Variants in ARMCX4 observed in about 807,000 individuals in gnomAD.
ARMCX4 encodes armadillo repeat-containing X-linked protein 4.
In ARMCX4, 3 loss-of-function variants were observed where a neutral mutation model predicts 34.7. The ratio of observed to expected loss-of-function variants is 0.09; its 90% CI spans 0.04 to 0.22. The LOEUF (loss-of-function observed/expected upper bound fraction) is 0.22. Ranked by LOEUF, ARMCX4 falls within the 10% of genes least tolerant of loss-of-function variation. The pLI is 1.00. For missense variants in ARMCX4, 1,448 were observed against 1,720.8 expected (o/e 0.84, Z 2.81); for synonymous variants, 513 against 632.8 (o/e 0.81, Z 2.84).
chrX:101,454,529 G>A (rs968936580), intron 4 of ARMCX4, among the ~76,000 whole-genome samples: 9 of 107,707 alleles, frequency 8.4e-5, no homozygotes, highest in Admixed American at 2.0e-4. Flanking sequence ...CTCGTGATCC[G>A]CCCACCTCGG....
intron 2 of ARMCX4, among the ~76,000 whole-genome samples, chrX:101,435,929 G>T (rs1173249163): frequency 5.4e-5 from 6 of 111,378 alleles, no homozygotes; most frequent in East Asian, 2.8e-4. Flanking sequence ...GTTTTTGTCA[G>T]GTTTGTCAAA....
intron 11 of ARMCX4, among the ~76,000 whole-genome samples, chrX:101,522,082 A>G (rs1159957000): frequency 1.8e-5 from 2 of 111,490 alleles, no homozygotes; most frequent in Non-Finnish European, 3.8e-5. Context: ...TGTTCTATCC[A>G]TTGTTAGAAG....
chrX:101,475,098 C>G (rs1043726281), intron 4 of ARMCX4, among the ~76,000 whole-genome samples: 11 of 110,290 alleles, frequency 1.0e-4, no homozygotes, highest in African/African-American at 1.7e-4. Context: ...ATCTTGAGCT[C>G]AGGAGTTCAA....
chrX:101,448,586 GT>G (rs782540348), downstream of ARMCX4, among the ~76,000 whole-genome samples: 1 of 111,212 alleles, frequency 9.0e-6, no homozygotes, highest in African/African-American at 3.3e-5. Context: ...TAGGTTTTTT[GT>G]TTTGTTTTGT....
chrX:101,468,523 C>T (rs1378161716), intron 4 of ARMCX4, among the ~76,000 whole-genome samples: 2 of 110,728 alleles, frequency 1.8e-5, no homozygotes, highest in Non-Finnish European at 3.8e-5. Flanking sequence ...TAACTAGTCT[C>T]AAACGACCCA....
At position 101,492,299 on chromosome X, in the gene ARMCX4, C is replaced by T; in HGVS notation, c.3710C>T (p.Ala1237Val). Residue 1237 changes from alanine (A) to valine (V), a missense_variant, in exon 6 of 6, where the codon GCT (alanine) becomes GTT (valine). This residue lies in a region of ARMCX4 where 1,343 missense variants were observed against 1,540.7 expected (regional missense o/e 0.87). Coordinates refer to ENST00000423738, the MANE Select transcript of ARMCX4 (RefSeq NM_001256155.3). ...AGNQAIGELWAAGQASDGSWP... is the reference protein window; with the variant it reads ...AGNQAIGELWVAGQASDGSWP... The stretch of plus-strand genomic sequence containing the variant: ...AATCAGGCCATTGGAGAGCTTTGGG[C>T]TGCGGGTCAGGCCAGTGATGGGTCC... 1.7e-6 allele frequency: 2 copies of T among 1,143,938 alleles called. No individual in the cohort carries two copies. Among genetic ancestry groups the T allele is most frequent in the Non-Finnish European group, 2.3e-6 (2 of 867,288 alleles). 94.3% of individuals were successfully genotyped at this position (1,143,938 alleles called of 1,213,427 possible). A position where few individuals can be genotyped will look rare whatever the true frequency, so the allele number is the denominator to read the frequency against.
At chrX:101,483,553 A>C (rs1275785092), upstream of ARMCX4, among the ~76,000 whole-genome samples, 2 of 111,342 alleles carry the variant, frequency 1.8e-5, no homozygotes, top group Non-Finnish European at 3.8e-5. Context: ...TTTATTAGTA[A>C]TCTATTTCTT....
At chrX:101,527,597 G>A (rs1227859287) in intron 11 of ARMCX4, among the ~76,000 whole-genome samples, 3 of 111,199 alleles carry the variant, frequency 2.7e-5, no homozygotes, top group African/African-American at 9.8e-5. Flanking sequence ...GACTAATAAA[G>A]AAGAAAAGAG....
At chrX:101,435,062 A>C (rs1930620830) in intron 2 of ARMCX4, among the ~76,000 whole-genome samples, 1 of 111,376 alleles carries the variant, frequency 9.0e-6, no homozygotes, top group Non-Finnish European at 1.9e-5. Flanking sequence ...GTTGGTTCCA[A>C]GTCTTTGCTA....
intron 2 of ARMCX4, among the ~76,000 whole-genome samples, chrX:101,440,291 G>A (rs188911333): frequency 7.2e-5 from 8 of 111,826 alleles, no homozygotes; most frequent in East Asian, 2.8e-4. Flanking sequence ...GCAGAACAGC[G>A]GATATTGGTG....
At chrX:101,517,853 AAAAC>A (rs1201268941) in intron 11 of ARMCX4, among the ~76,000 whole-genome samples, 3 of 111,511 alleles carry the variant, frequency 2.7e-5, no homozygotes, top group Admixed American at 9.6e-5. Context: ...TTTGTAAAAA[AAAAC>A]AAACAAAGAA....
chrX:101,476,581 T>C (rs1556004327), intron 4 of ARMCX4, among the ~76,000 whole-genome samples: 2 of 110,252 alleles, frequency 1.8e-5, no homozygotes, highest in African/African-American at 6.6e-5. Flanking sequence ...ATCCAAAATT[T>C]AAGAAAAAAA....
intron 4 of ARMCX4, among the ~76,000 whole-genome samples, chrX:101,475,866 A>G (rs1377995690): frequency 9.0e-6 from 1 of 111,447 alleles, no homozygotes; most frequent in Non-Finnish European, 1.9e-5. Flanking sequence ...TAGTATATAT[A>G]TATATATGGA....
At chrX:101,523,983 A>G (rs782447179) in intron 11 of ARMCX4, among the ~76,000 whole-genome samples, 7 of 109,573 alleles carry the variant, frequency 6.4e-5, no homozygotes, top group African/African-American at 2.0e-4. Context: ...AGTACCCTCA[A>G]GCAGAGCTGC....
intron 2 of ARMCX4, among the ~76,000 whole-genome samples, chrX:101,431,050 T>C (rs1929964892): frequency 9.0e-6 from 1 of 111,539 alleles, no homozygotes; most frequent in South Asian, 3.8e-4. Flanking sequence ...GAAGGTGGAC[T>C]CCGAAGGATC....
intron 4 of ARMCX4, among the ~76,000 whole-genome samples, chrX:101,456,081 G>A (rs1047257398): frequency 1.8e-5 from 2 of 111,180 alleles, no homozygotes; most frequent in Non-Finnish European, 3.8e-5. Flanking sequence ...GCGGGTACCC[G>A]GGTTGATTCC....
chrX:101,443,722 C>T (rs1257069242), intron 2 of ARMCX4: 2 of 273,571 alleles, frequency 7.3e-6, no homozygotes, highest in African/African-American at 5.5e-5. Flanking sequence ...TCTTGTCGGT[C>T]TTGCCATTCC....
At chrX:101,433,289 T>A in intron 2 of ARMCX4, among the ~76,000 whole-genome samples, 1 of 108,853 alleles carries the variant, frequency 9.2e-6, no homozygotes, top group Non-Finnish European at 1.9e-5. Context: ...CGTACACATA[T>A]ACATATATGT....
chrX:101,508,450 G>A (rs1556015693), intron 8 of ARMCX4, among the ~76,000 whole-genome samples: 2 of 111,192 alleles, frequency 1.8e-5, no homozygotes, highest in African/African-American at 3.3e-5. Flanking sequence ...CCTTTTCTCT[G>A]TGTGGGCGTG....
Sources: allele counts gnomAD v4.1 joint callset (sites outside exome capture counted in the v4.1 genomes callset), GRCh38; gene constraint gnomAD v4.1.1; regional missense constraint gnomAD v4.1.1; transcripts MANE v1.5; gene names NCBI Gene and HGNC (gene_info 2026-07-23, HGNC 2026-07-21).